Variants in TF observed in about 807,000 individuals in gnomAD.
TF encodes serotransferrin.
TF carries 55 observed loss-of-function variants against 82.4 expected under a neutral mutation model. The observed-to-expected ratio is 0.67, with a 90% CI of 0.54 to 0.84. The LOEUF is 0.84. TF is among the 40% of genes least tolerant of loss of function. The pLI is 0.00. For synonymous variants in TF, 332 were observed against 332.6 expected, an observed-to-expected ratio of 1.00 and a Z score of 0.02; for missense variants, 737 against 868.4, an observed-to-expected ratio of 0.85 and a Z score of 1.90.
chr3:133,754,474 A>G (rs755994784), intron 3 of TF, 21 bp from the exon 4 acceptor site: 2 of 1,613,652 alleles, frequency 1.2e-6, no homozygotes, highest in South Asian at 1.1e-5. Flanking sequence ...AGGGCCTTCC[A>G]TTCACACTGT....
the TF span, among the ~76,000 whole-genome samples, chr3:133,731,926 T>C: frequency 6.6e-6 from 1 of 152,166 alleles, no homozygotes; most frequent in South Asian, 2.1e-4. Flanking sequence ...TGACTGTTAA[T>C]AGAAGGTGGG....
intron 1 of TF, 123 bp from the exon 2 acceptor site, chr3:133,748,289 T>TG (rs1933561231): frequency 1.7e-6 from 2 of 1,201,134 alleles, no homozygotes; most frequent in African/African-American, 1.5e-5. Flanking sequence ...GTAGTGTTCA[T>TG]GGACAGGAGT....
At chr3:133,669,849 G>A in the TF span, among the ~76,000 whole-genome samples, 48 of 152,330 alleles carry the variant, frequency 3.2e-4, no homozygotes, top group African/African-American at 1.1e-3. Context: ...AGCAGTTAGT[G>A]CTATTTGTGA....
chr3:133,740,030 A>G, the TF span, among the ~76,000 whole-genome samples: 1 of 152,230 alleles, frequency 6.6e-6, no homozygotes, highest in Non-Finnish European at 1.5e-5. Flanking sequence ...AGATACAAGC[A>G]CATGTATGTT....
the TF span, among the ~76,000 whole-genome samples, chr3:133,669,801 T>G: frequency 6.6e-6 from 1 of 152,234 alleles, no homozygotes; most frequent in African/African-American, 2.4e-5. Flanking sequence ...CAACTCCTAT[T>G]GTGTTAAACC....
At chr3:133,721,839 A>C in the TF span, among the ~76,000 whole-genome samples, 132 of 152,192 alleles carry the variant, frequency 8.7e-4, no homozygotes, top group Non-Finnish European at 1.3e-3. Flanking sequence ...TATCATCATC[A>C]TATAATGACC....
At chr3:133,703,378 G>A in the TF span, among the ~76,000 whole-genome samples, 1 of 152,180 alleles carries the variant, frequency 6.6e-6, no homozygotes, top group Non-Finnish European at 1.5e-5. Context: ...ACAGATCTTG[G>A]AGGCCATCTG....
chr3:133,711,171 C>T, the TF span, among the ~76,000 whole-genome samples: 1 of 152,206 alleles, frequency 6.6e-6, no homozygotes, highest in Non-Finnish European at 1.5e-5. Flanking sequence ...TTCCCAATCT[C>T]AACGGAATCC....
the TF span, among the ~76,000 whole-genome samples, chr3:133,730,470 C>T: frequency 1.3e-5 from 2 of 152,252 alleles, no homozygotes; most frequent in East Asian, 3.9e-4. Context: ...TGTGGTTCTA[C>T]CACCAATTTT....
the TF span, among the ~76,000 whole-genome samples, chr3:133,689,315 C>T: frequency 1.3e-5 from 2 of 151,974 alleles, no homozygotes; most frequent in African/African-American, 2.4e-5. Context: ...CGGAGCGAGA[C>T]TCTGCGTCAA....
chr3:133,688,777 A>G, the TF span, among the ~76,000 whole-genome samples: 1 of 152,248 alleles, frequency 6.6e-6, no homozygotes, highest in African/African-American at 2.4e-5. Context: ...AGAAGAAACA[A>G]ACAAAAACAC....
In TF at chr3:133,780,887, C is replaced by G. The variant is rs2107939085; in HGVS notation, c.*2267C>G. 6.6e-6 allele frequency: 1 copy of G among 152,258 alleles called. No homozygotes were observed. The highest frequency in any genetic ancestry group is 1.5e-5 in the Non-Finnish European group (1 of 68,090). 9.4% of individuals were successfully genotyped at this position (152,258 alleles called of 1,614,324 possible). A position where few individuals can be genotyped will look rare whatever the true frequency, so the allele number is the denominator to read the frequency against. On this transcript the variant is annotated 3_prime_UTR_variant, in exon 17 of 17. Coordinates refer to ENST00000402696, the MANE Select transcript of TF (RefSeq NM_001063.4). ...AATTAGCCTGGTTTGGTGGCACACA[C>G]CTGTAGTCCCAGCTACTCAGGAGGC...
chr3:133,690,642 G>A, the TF span, among the ~76,000 whole-genome samples: 1 of 152,200 alleles, frequency 6.6e-6, no homozygotes, highest in Non-Finnish European at 1.5e-5. Flanking sequence ...GGAGAGATAT[G>A]TTAGAGGAGT....
chr3:133,742,438 G>A (rs1464386442), upstream of TF, among the ~76,000 whole-genome samples: 1 of 152,118 alleles, frequency 6.6e-6, no homozygotes, highest in Non-Finnish European at 1.5e-5. Flanking sequence ...GATAGAGAAA[G>A]GGAAAGAGAA....
chr3:133,710,672 C>T, the TF span, among the ~76,000 whole-genome samples: 6 of 152,170 alleles, frequency 3.9e-5, no homozygotes, highest in Admixed American at 1.3e-4. Flanking sequence ...CACTTGGGTG[C>T]GGGTCACTCC....
chr3:133,734,387 A>G, the TF span, among the ~76,000 whole-genome samples: 1 of 152,192 alleles, frequency 6.6e-6, no homozygotes, highest in Non-Finnish European at 1.5e-5. Context: ...GTCTTGTTCT[A>G]TCAGAAAGTG....
Position 133,757,772 on chromosome 3 carries a change from C to T in TF, c.874C>T (p.His292Tyr). 2 of 1,614,030 alleles carry T rather than the reference C, an allele frequency of 1.2e-6. No individual in the cohort carries two copies. The highest frequency in any genetic ancestry group is 1.7e-6 in the Non-Finnish European group (2 of 1,179,854). ...TATTCTGTTTTTCTATGAACAGGAA[C>T]ATTTTGGCAAAGACAAATCAAAAGA... ...IWELLNQAQE[H>Y]FGKDKSKEFQ... Residue 292 changes from histidine (H) to tyrosine (Y), a missense_variant, in exon 8 of 17, where the codon CAT becomes TAT. By Grantham distance (83) the His-to-Tyr change is moderately conservative. Coordinates refer to ENST00000402696, the MANE Select transcript of TF (RefSeq NM_001063.4).
chr3:133,702,650 T>C, the TF span, among the ~76,000 whole-genome samples: 1 of 151,874 alleles, frequency 6.6e-6, no homozygotes, highest in Admixed American at 6.5e-5. Flanking sequence ...TTATTTATTT[T>C]ATTTATTATG....
chr3:133,719,464 T>C, the TF span, among the ~76,000 whole-genome samples: 1 of 152,152 alleles, frequency 6.6e-6, no homozygotes, highest in African/African-American at 2.4e-5. Context: ...GTTGGGCATG[T>C]GGGGAAGGGG....
Sources: gnomAD v4.1 joint callset for allele counts (sites outside exome capture counted in the v4.1 genomes callset) on GRCh38, gnomAD v4.1.1 for gene constraint, MANE v1.5 for transcripts, NCBI Gene and HGNC (gene_info 2026-07-23, HGNC 2026-07-21) for gene names.